SOAT2: variants seen among roughly 807,000 people sequenced by gnomAD.
The protein encoded by SOAT2 is ACAT-2.
A neutral mutation model predicts 76.0 loss-of-function variants in SOAT2; 87 were observed. The observed-to-expected ratio is 1.14, with a 90% confidence interval of 0.96 to 1.37. The LOEUF (loss-of-function observed/expected upper bound fraction) is 1.37, where lower values mean the gene tolerates loss of function less well. Among genes scored for constraint, SOAT2 ranks in the 40% most tolerant of loss-of-function variants. SOAT2 has a pLI of 0.00. For missense variants in SOAT2, 686 were observed against 682.1 expected (o/e 1.01, Z -0.06); for synonymous variants, 285 against 275.4 (o/e 1.03, Z -0.34).
In SOAT2 at chr12:53,123,806, G is replaced by A; in HGVS notation, c.1451G>A (p.Gly484Asp). 1 of 1,614,140 alleles carries A rather than the reference G, an allele frequency of 6.2e-7. No individual in the cohort carries two copies. The highest frequency in any genetic ancestry group is 8.5e-7 in the Non-Finnish European group (1 of 1,180,014). ...CTGATGTGGACCATGCTGTTTCTAG[G>A]CCAGGGAATCCAGGTCAGCCTGTAC... ...NVLMWTMLFL[G>D]QGIQVSLYCQ... Residue 484 changes from glycine (G) to aspartate (D), a missense_variant, in exon 14 of 15, where the codon GGC becomes GAC. By Grantham distance (94) the Gly-to-Asp change is moderately conservative (BLOSUM62 -1). Coordinates refer to ENST00000301466, the MANE Select transcript of SOAT2 (RefSeq NM_003578.4).
Position 53,116,161 on chromosome 12 carries a change from G to C in SOAT2, c.773G>C (p.Arg258Thr), listed in dbSNP as rs1025148912. ...REAVPGTLRA[R>T]RGEGIQAPSF... ...GCTGTGCCTGGGACCCTTCGTGCCA[G>C]ACGAGGTGAGGCCTTCATCTTGCCC... The change falls in exon 7 of 15, where the codon AGA (arginine) becomes ACA (threonine). Residue 258 changes from arginine (R) to threonine (T), a missense_variant. Transcript: ENST00000301466. 6.2e-7 allele frequency: 1 copy of C among 1,613,968 alleles called. No homozygotes were observed. Among genetic ancestry groups the C allele is most frequent in the African/African-American group, 1.3e-5 (1 of 75,050 alleles).
rs768675159 is a variant in SOAT2 at position 53,116,089 on chromosome 12, T to A, written c.709-8T>A. The A allele has an allele frequency of 6.2e-7, 1 of 1,613,844 alleles. No individual in the cohort carries two copies. The highest frequency in any genetic ancestry group is 8.5e-7 in the Non-Finnish European group (1 of 1,179,708). On this transcript the variant is annotated splice_region_variant and splice_polypyrimidine_tract_variant and intron_variant, in intron 6 of 14. Coordinates refer to ENST00000301466, the MANE Select transcript of SOAT2 (RefSeq NM_003578.4). Reference sequence around the variant, plus strand: ...AGCAACTTTTCCTCCCCTTCCATTCTGCCACAGGTTAGGTTCCTGATGAAA... The same window carrying A: ...AGCAACTTTTCCTCCCCTTCCATTCAGCCACAGGTTAGGTTCCTGATGAAA...
At chr12:53,118,785 A>C (rs1299027930) in intron 8 of SOAT2, 105 bp from the exon 9 acceptor site, 3 of 1,242,418 alleles carry the variant, frequency 2.4e-6, no homozygotes, top group Non-Finnish European at 3.6e-6. Flanking sequence ...CCCAGGCCTA[A>C]GCAATTAAGG....
chr12:53,103,496 A>C lies in SOAT2; in HGVS notation c.-82A>C. 1.6e-6 allele frequency: 2 copies of C among 1,270,812 alleles called. No homozygotes were observed. Among genetic ancestry groups the C allele is most frequent in the Non-Finnish European group, 2.2e-6 (2 of 904,716 alleles). 78.7% of individuals were successfully genotyped at this position (1,270,812 alleles called of 1,614,324 possible). ...GCTGTCACCTGAGCTGAGTGGGACA[A>C]GAGCTCTACAGGGCAGGCCACACTG... On this transcript the variant is annotated 5_prime_UTR_variant, in exon 1 of 15. Transcript: ENST00000301466.
At chr12:53,106,099 G>A (rs1168078391) in intron 5 of SOAT2, 85 bp downstream of exon 5, 1 of 862,990 alleles carries the variant, frequency 1.2e-6, no homozygotes, top group Non-Finnish European at 1.9e-6. Flanking sequence ...CTTGGGGCAA[G>A]AGGACACAGG....
chr12:53,115,736 G>A (rs891643545), intron 6 of SOAT2, 82 bp downstream of exon 6: 22 of 1,416,458 alleles, frequency 1.6e-5, no homozygotes, highest in Middle Eastern at 2.6e-4. Context: ...CCCAAAGAGG[G>A]GGCGGGGCCC....
intron 8 of SOAT2, 67 bp from the exon 9 acceptor site, chr12:53,118,823 C>T (rs1938144087): frequency 5.1e-6 from 8 of 1,578,108 alleles, no homozygotes; most frequent in Non-Finnish European, 7.0e-6. Context: ...CCCCAGAACC[C>T]GTGCCCAGGC....
chr12:53,110,018 T>G (rs1937989544), intron 5 of SOAT2, among the ~76,000 whole-genome samples: 1 of 152,190 alleles, frequency 6.6e-6, no homozygotes, highest in Non-Finnish European at 1.5e-5. Context: ...CAGAATTTCC[T>G]TTACAATCAA....
intron 5 of SOAT2, among the ~76,000 whole-genome samples, chr12:53,106,418 G>A (rs1423274603): frequency 2.0e-5 from 3 of 152,248 alleles, no homozygotes; most frequent in Non-Finnish European, 4.4e-5. Context: ...TCCTGTCTGT[G>A]AGGCACTCCC....
At chr12:53,112,640 A>C (rs1320769917) in intron 5 of SOAT2, among the ~76,000 whole-genome samples, 2 of 152,042 alleles carry the variant, frequency 1.3e-5, no homozygotes, top group Non-Finnish European at 2.9e-5. Flanking sequence ...ACACATGCAC[A>C]CATACGTATA....
chr12:53,123,033 G>A (rs1384788247), intron 12 of SOAT2, 48 bp from the exon 13 acceptor site: 2 of 1,533,566 alleles, frequency 1.3e-6, no homozygotes, highest in Admixed American at 4.4e-5. Context: ...GCTCTTTGTG[G>A]AGGAGCTCAG....
At chr12:53,107,622 C>CTTTTTTTTTTTTAT (rs1937954653) in intron 5 of SOAT2, among the ~76,000 whole-genome samples, 1 of 117,036 alleles carries the variant, frequency 8.5e-6, no homozygotes, top group Non-Finnish European at 1.7e-5. Flanking sequence ...AACAGATGTA[C>CTTTTTTTTTTTTAT]TTTTTTTTTT....
intron 7 of SOAT2, among the ~76,000 whole-genome samples, chr12:53,117,147 G>A (rs1211690864): frequency 1.3e-5 from 2 of 151,570 alleles, no homozygotes; most frequent in South Asian, 2.1e-4. Context: ...TTTTAGTAGA[G>A]ACAGGGTTTC....
rs145264313 is a variant in SOAT2, at chr12:53,115,759, C to G, written c.708+105C>G. ...GGGGGCGGGGCCCACGAGAGGGAGG[C>G]GCTGGAGAAGGCATTGGCAGGGGCG... is the stretch of plus-strand genomic sequence containing the variant. On this transcript the variant is annotated intron_variant, in intron 6 of 14. Coordinates refer to ENST00000301466, the MANE Select transcript of SOAT2 (RefSeq NM_003578.4). 4.5e-6 allele frequency: 6 copies of G among 1,337,870 alleles called. No homozygotes were observed. In the South Asian group the frequency reaches 7.8e-5, roughly 17 times the overall value. The allele number at this position is 1,337,870 out of a possible 1,614,324, so 82.9% of individuals were successfully genotyped here.
intron 5 of SOAT2, among the ~76,000 whole-genome samples, chr12:53,110,211 T>C (rs752698476): frequency 1.2e-4 from 18 of 152,226 alleles, no homozygotes; most frequent in Non-Finnish European, 2.4e-4. Context: ...GTTAAATATA[T>C]ATTATACTGT....
At chr12:53,119,076 C>T (rs753110425) in intron 9 of SOAT2, 48 bp from the exon 10 acceptor site, 8 of 1,612,120 alleles carry the variant, frequency 5.0e-6, no homozygotes, top group Middle Eastern at 1.7e-4. Context: ...ATGCCACCGG[C>T]AGCTGCCAGC....
Position 53,105,553 on chromosome 12 carries a change from C to G in SOAT2, c.276-8C>G. On this transcript the variant is annotated splice_region_variant and splice_polypyrimidine_tract_variant and intron_variant, in intron 3 of 14. Coordinates refer to ENST00000301466, the MANE Select transcript of SOAT2 (RefSeq NM_003578.4). ...TTTTCCTGACCCTGAACAAACATCT[C>G]AATTCAGGACCCAGGAGCCATCCCT... is the stretch of plus-strand genomic sequence containing the variant. 1 of 1,610,182 alleles carries G rather than the reference C, an allele frequency of 6.2e-7. No homozygotes were observed. Among genetic ancestry groups the G allele is most frequent in the Non-Finnish European group, 8.5e-7 (1 of 1,177,702 alleles).
chr12:53,118,529 C>G, intron 8 of SOAT2, 95 bp downstream of exon 8: 1 of 839,082 alleles, frequency 1.2e-6, no homozygotes, highest in South Asian at 1.4e-5. Flanking sequence ...TCACCTCAGG[C>G]ACTGGCCACT....
At position 53,108,794 on chromosome 12, in the gene SOAT2, G is replaced by C. The variant is rs144474506; in HGVS notation, c.443+2780G>C. 2.3e-3 allele frequency among the ~76,000 whole-genome samples: 352 copies of C among 152,344 alleles called. 1 individual carries two copies. Among genetic ancestry groups the C allele is most frequent in the African/African-American group, 8.1e-3 (338 of 41,574 alleles). On this transcript the variant is annotated intron_variant, in intron 5 of 14. Coordinates refer to ENST00000301466, the MANE Select transcript of SOAT2 (RefSeq NM_003578.4). ...CAGAAACCTGCATTCAAGAGCACCT[G>C]TTAGAGCTTTATAACTGATTATAAA...
Sources: gnomAD v4.1 joint callset for allele counts (sites outside exome capture counted in the v4.1 genomes callset) on GRCh38, gnomAD v4.1.1 for gene constraint, MANE v1.5 for transcripts, NCBI Gene and HGNC (gene_info 2026-07-23, HGNC 2026-07-21) for gene names.